Variants in SMC6 observed in about 807,000 individuals in gnomAD.
The protein encoded by SMC6 is structural maintenance of chromosomes 6.
SMC6 carries 79 observed loss-of-function variants against 142.2 expected under a neutral mutation model. The ratio of observed to expected loss-of-function variants is 0.56; its 90% confidence interval spans 0.46 to 0.67. The LOEUF (loss-of-function observed/expected upper bound fraction) is 0.67. Among genes scored for constraint, SMC6 ranks in the 30% least tolerant of loss-of-function variants. SMC6 has a pLI of 0.00. For synonymous variants in SMC6, 411 were observed against 412.4 expected (o/e 1.00, Z 0.04); for missense variants, 1,072 against 1,284.0 (o/e 0.83, Z 2.52).
intron 23 of SMC6, among the ~76,000 whole-genome samples, chr2:17,687,531 AG>A (rs1667514620): frequency 1.3e-5 from 1 of 75,068 alleles, no homozygotes; most frequent in Non-Finnish European, 3.3e-5. Flanking sequence ...GAAAAAAAGT[AG>A]AGGAACCATG....
rs576490087 is a variant in SMC6 at position 17,716,721 on chromosome 2, C to G, written c.1346+20G>C. 2 of 1,601,236 alleles carry G rather than the reference C, an allele frequency of 1.2e-6. No individual in the cohort carries two copies. Among genetic ancestry groups the G allele is most frequent in the Non-Finnish European group, 1.7e-6 (2 of 1,175,758 alleles). ...GTAAAAGTAATTGAAAAAAATCATT[C>G]TAAGGATGTTGCAACTTACTTAATT... On this transcript the variant is annotated intron_variant, in intron 14 of 27. Coordinates refer to ENST00000448223, the MANE Select transcript of SMC6 (RefSeq NM_001142286.2).
chr2:17,673,154 C>T (rs1666843396), intron 25 of SMC6, among the ~76,000 whole-genome samples: 1 of 152,098 alleles, frequency 6.6e-6, no homozygotes, highest in South Asian at 2.1e-4. Flanking sequence ...TCTCTGATGA[C>T]TAACAGCGCT....
chr2:17,701,021 T>G (rs1572289094), intron 20 of SMC6, among the ~76,000 whole-genome samples: 1 of 130,554 alleles, frequency 7.7e-6, no homozygotes, highest in Non-Finnish European at 1.6e-5. Flanking sequence ...ACAAGAGTGA[T>G]ACTCCGTCTC....
At chr2:17,685,843 A>G (rs1667430939) in intron 23 of SMC6, among the ~76,000 whole-genome samples, 1 of 152,090 alleles carries the variant, frequency 6.6e-6, no homozygotes, top group South Asian at 2.1e-4. Flanking sequence ...AATTCAACAA[A>G]GAAATCAAGA....
chr2:17,719,609 A>G (rs1669271842), intron 11 of SMC6, among the ~76,000 whole-genome samples: 1 of 152,150 alleles, frequency 6.6e-6, no homozygotes, highest in African/African-American at 2.4e-5. Context: ...CTTGAGGAGG[A>G]AAGTATTTAA....
intron 2 of SMC6, among the ~76,000 whole-genome samples, chr2:17,748,525 TTTAA>T (rs1315401634): frequency 3.3e-5 from 5 of 152,238 alleles, no homozygotes; most frequent in Non-Finnish European, 5.9e-5. Context: ...TTACAAATTA[TTTAA>T]TGTTTTGAAA....
rs767703352 is a variant in SMC6, at chr2:17,707,178, A to G, written c.2006+41T>C. 2.9e-6 allele frequency: 4 copies of G among 1,400,244 alleles called. No homozygotes were observed. The South Asian group carries it at 7.0e-5, about 24-fold the overall frequency. The allele number at this position is 1,400,244 out of a possible 1,614,324, so 86.7% of individuals were successfully genotyped here. ...ATGAAAGAAAATGAACCCCCAAGGA[A>G]GCAGTGGGAATGATACAGTAAAGCT... On this transcript the variant is annotated intron_variant, in intron 18 of 27. Coordinates refer to ENST00000448223, the MANE Select transcript of SMC6 (RefSeq NM_001142286.2).
Position 17,714,888 on chromosome 2 carries a change from C to A in SMC6, c.1703G>T (p.Arg568Leu), listed in dbSNP as rs1487167440. Residue 568 changes from arginine to leucine, a missense_variant, in exon 16 of 28, where the codon CGG becomes CTG. Around this residue, in one of 3 missense-constraint regions of SMC6, gnomAD observed 994 missense variants for 1,153.2 expected, o/e 0.86. Transcript: ENST00000448223. ...GTGTCTTACATCATATATCTCATTC[C>A]GAAACTCAGAAACTATTATCGGTGG... ...SRPPIIVSEF[R>L]NEIYDVRHRA... The A allele has an allele frequency of 6.2e-7, 1 of 1,612,896 alleles. No homozygotes were observed. Among genetic ancestry groups the A allele is most frequent in the Non-Finnish European group, 8.5e-7 (1 of 1,179,684 alleles).
chr2:17,721,096 C>T (rs1305912746), intron 10 of SMC6, 46 bp downstream of exon 10: 2 of 1,611,564 alleles, frequency 1.2e-6, no homozygotes, highest in Admixed American at 3.3e-5. Flanking sequence ...CAAATACATT[C>T]TGCATATCAC....
chr2:17,693,424 T>C lies in SMC6; in HGVS notation c.2678+1728A>G, dbSNP rs532516221. Among the ~76,000 whole-genome samples the C allele has an allele frequency of 3.6e-3, 546 of 152,110 alleles. 2 individuals carry two copies. The highest frequency in any genetic ancestry group is 0.012 in the African/African-American group (509 of 41,480). Reference sequence around the variant, plus strand: ...CATGGATGAAGCTGGAAACCATCATTCTCAGCAAACTATCACAAGGACAAA... The same window carrying C: ...CATGGATGAAGCTGGAAACCATCATCCTCAGCAAACTATCACAAGGACAAA... On this transcript the variant is annotated intron_variant, in intron 23 of 27. Transcript: ENST00000448223.
chr2:17,742,246 A>C (rs771913113), intron 3 of SMC6, among the ~76,000 whole-genome samples: 15 of 152,224 alleles, frequency 9.9e-5, no homozygotes, highest in Non-Finnish European at 1.8e-4. Flanking sequence ...ATGACGATCC[A>C]GCCATGCATT....
chr2:17,665,517 T>TTCTTCTTGAAGAAGGTCTGAAGTCACAGG lies in SMC6; in HGVS notation c.3257_3258insCCTGTGACTTCAGACCTTCTTCAAGAAGA (p.Glu1086AspfsTer3), dbSNP rs2103449193. On this transcript the variant is annotated stop_gained and frameshift_variant, in exon 28 of 28. Transcript: ENST00000448223. LOFTEE classifies it high-confidence loss of function. ...TTACAAATCACCTTTGGTCATCATCTTCTTCTTGAGTCACAGGTCTGAAAG... is the reference window on the plus strand; with the variant it reads ...TTACAAATCACCTTTGGTCATCATCTTCTTCTTGAAGAAGGTCTGAAGTCACAGGTCTTCTTGAGTCACAGGTCTGAAAG... 6.2e-7 allele frequency: 1 copy of TTCTTCTTGAAGAAGGTCTGAAGTCACAGG among 1,608,930 alleles called. No homozygotes were observed. The highest frequency in any genetic ancestry group is 2.2e-5 in the East Asian group (1 of 44,620).
chr2:17,707,152 T>C (rs1381468975), intron 18 of SMC6, 67 bp downstream of exon 18: 8 of 1,269,828 alleles, frequency 6.3e-6, no homozygotes, highest in Non-Finnish European at 7.3e-6. Context: ...AAAAGAGTAA[T>C]ATGAAAGAAA....
intron 5 of SMC6, among the ~76,000 whole-genome samples, chr2:17,737,969 G>T (rs1670238639): frequency 6.6e-6 from 1 of 152,116 alleles, no homozygotes; most frequent in Admixed American, 6.5e-5. Context: ...ATTTCTTTCA[G>T]CAAGTAACAG....
At chr2:17,667,756 A>C (rs1248344342) in intron 26 of SMC6, among the ~76,000 whole-genome samples, 1 of 152,218 alleles carries the variant, frequency 6.6e-6, no homozygotes, top group African/African-American at 2.4e-5. Context: ...TGGCTGAGTC[A>C]CAAGGATCAA....
At chr2:17,731,612 G>T in intron 6 of SMC6, 129 bp downstream of exon 6, 3 of 825,248 alleles carry the variant, frequency 3.6e-6, no homozygotes, top group Admixed American at 2.4e-5. Context: ...GTGTGTGTGT[G>T]TGTATATATA....
intron 3 of SMC6, among the ~76,000 whole-genome samples, chr2:17,744,250 G>C (rs774402856): frequency 6.6e-6 from 1 of 152,100 alleles, no homozygotes; most frequent in Non-Finnish European, 1.5e-5. Context: ...TCAGTGGTTT[G>C]AACTATTGCC....
Position 17,739,845 on chromosome 2 carries a change from GACAC to G in SMC6, c.239-1523_239-1520del, listed in dbSNP as rs776038205. 9.1e-4 allele frequency among the ~76,000 whole-genome samples: 101 copies of G among 110,558 alleles called. No homozygotes were observed. The East Asian group carries it at 0.013, about 14-fold the overall frequency. The allele number at this position is 110,558 out of a possible 152,430, so 72.5% of individuals were successfully genotyped here. A position where few individuals can be genotyped will look rare whatever the true frequency, so the allele number is the denominator to read the frequency against. ...AAACACACACACACACACACACACAGACACACACACACACACACACAGAGAATAT... is the reference window on the plus strand; with the variant it reads ...AAACACACACACACACACACACACAGACACACACACACACACAGAGAATAT... On this transcript the variant is annotated intron_variant, in intron 4 of 27. Coordinates refer to ENST00000448223, the MANE Select transcript of SMC6 (RefSeq NM_001142286.2).
At chr2:17,719,672 G>C (rs1213102497) in intron 11 of SMC6, among the ~76,000 whole-genome samples, 1 of 152,060 alleles carries the variant, frequency 6.6e-6, no homozygotes, top group Non-Finnish European at 1.5e-5. Flanking sequence ...AAAAATACTT[G>C]GTGAAAATTT....
Sources: gnomAD v4.1 joint callset for allele counts (sites outside exome capture counted in the v4.1 genomes callset) on GRCh38, gnomAD v4.1.1 for gene constraint, gnomAD v4.1.1 regional missense constraint, MANE v1.5 for transcripts, NCBI Gene and HGNC (gene_info 2026-07-23, HGNC 2026-07-21) for gene names.